The following COBLL1 variants were observed in gnomAD, a reference collection of about 807,000 sequenced individuals.
The protein encoded by COBLL1 is cordon-bleu WH2 repeat protein like 1.
In COBLL1, 50 loss-of-function variants were observed where a neutral mutation model predicts 94.8. That is an observed-to-expected ratio of 0.53 (90% CI 0.42 to 0.67). The LOEUF is 0.67. Ranked by LOEUF, COBLL1 falls within the 30% of genes least tolerant of loss-of-function variation. The pLI is 0.00. For missense variants in COBLL1, 1,362 were observed against 1,348.7 expected (o/e 1.01, Z -0.15); for synonymous variants, 448 against 473.8 (o/e 0.95, Z 0.71).
intron 2 of COBLL1, among the ~76,000 whole-genome samples, chr2:164,827,300 A>C (rs757169643): frequency 1.3e-5 from 2 of 152,164 alleles, no homozygotes; most frequent in Non-Finnish European, 2.9e-5. Context: ...ATTTCATCTT[A>C]TATGGGAATA....
chr2:164,812,841 C>T (rs563098650), intron 2 of COBLL1, among the ~76,000 whole-genome samples: 110 of 152,176 alleles, frequency 7.2e-4, no homozygotes, highest in Middle Eastern at 6.8e-3. Context: ...AAGCATTATG[C>T]AGTTGCACCC....
chr2:164,762,538 C>T (rs1437590171), intron 2 of COBLL1, among the ~76,000 whole-genome samples: 3 of 152,166 alleles, frequency 2.0e-5, no homozygotes, highest in Non-Finnish European at 4.4e-5. Flanking sequence ...TCAGCTGTCT[C>T]GTTTAATCAA....
chr2:164,673,997 T>C (rs1691292584), intron 1 of COBLL1, among the ~76,000 whole-genome samples: 1 of 152,216 alleles, frequency 6.6e-6, no homozygotes, highest in Non-Finnish European at 1.5e-5. Context: ...AGAATTGGTA[T>C]TTCTAATGGT....
At chr2:164,768,265 C>T (rs1688035391) in intron 2 of COBLL1, among the ~76,000 whole-genome samples, 1 of 152,130 alleles carries the variant, frequency 6.6e-6, no homozygotes, top group Non-Finnish European at 1.5e-5. Context: ...GGATAGATCA[C>T]ATGCACCAGA....
intron 7 of COBLL1, among the ~76,000 whole-genome samples, chr2:164,721,046 C>A (rs1382940880): frequency 6.6e-6 from 1 of 152,210 alleles, no homozygotes; most frequent in African/African-American, 2.4e-5. Context: ...AAATTCATTT[C>A]TATCTCTTTG....
chr2:164,821,992 T>G (rs1257511199), intron 2 of COBLL1, among the ~76,000 whole-genome samples: 1 of 152,172 alleles, frequency 6.6e-6, no homozygotes, highest in African/African-American at 2.4e-5. Flanking sequence ...AATCACTAAA[T>G]GAAAATCATG....
At chr2:164,724,878 C>T (rs1377683588) in intron 5 of COBLL1, 1 of 151,810 alleles carries the variant, frequency 6.6e-6, no homozygotes, top group African/African-American at 2.4e-5. Context: ...CAAAGTAAAA[C>T]TTTTAAATCT....
At chr2:164,760,631 C>T (rs1687634883) in intron 2 of COBLL1, among the ~76,000 whole-genome samples, 1 of 152,048 alleles carries the variant, frequency 6.6e-6, no homozygotes, top group African/African-American at 2.4e-5. Context: ...TTGGTTTTGA[C>T]AACATACTAC....
Position 164,800,398 on chromosome 2 carries a change from C to T in COBLL1, c.41+40758G>A. ...TCTCATGACACATGTATTAGAATGGCTAACATAAATACCAACGATACTATG... is the reference window on the plus strand; with the variant it reads ...TCTCATGACACATGTATTAGAATGGTTAACATAAATACCAACGATACTATG... On this transcript the variant is annotated intron_variant, in intron 2 of 13. Coordinates refer to ENST00000652658, the MANE Select transcript of COBLL1 (RefSeq NM_001365672.2). 2 of 537,816 alleles carry T rather than the reference C, an allele frequency of 3.7e-6. 1 individual carries two copies. The allele number at this position is 537,816 out of a possible 1,614,324, so 33.3% of individuals were successfully genotyped here.
At chr2:164,815,921 A>G (rs1684718885) in intron 2 of COBLL1, among the ~76,000 whole-genome samples, 1 of 152,112 alleles carries the variant, frequency 6.6e-6, no homozygotes. Flanking sequence ...TTCTTAGACC[A>G]TCGAAATCCT....
Position 164,695,329 on chromosome 2 carries a change from G to A in COBLL1, c.2063C>T (p.Pro688Leu), listed in dbSNP as rs1293959012. 8 of 1,613,762 alleles carry A rather than the reference G, an allele frequency of 5.0e-6. No individual in the cohort carries two copies. The highest frequency in any genetic ancestry group is 6.8e-6 in the Non-Finnish European group (8 of 1,179,916). Residue 688 changes from proline to leucine, a missense_variant, in exon 12 of 14, where the codon CCT becomes CTT. By Grantham distance (98) the Pro-to-Leu change is moderately conservative. Transcript: ENST00000652658. Reference sequence around the variant, plus strand: ...GGAATTTTTGTCAATCCTATCTACAGGAGGCAAAAGATCATCATTACCATG... The same window carrying A: ...GGAATTTTTGTCAATCCTATCTACAAGAGGCAAAAGATCATCATTACCATG... ...CAHGNDDLLPPVDRIDKNSTA... is the reference protein window; with the variant it reads ...CAHGNDDLLPLVDRIDKNSTA...
intron 2 of COBLL1, among the ~76,000 whole-genome samples, chr2:164,770,241 C>T (rs1049150384): frequency 5.9e-5 from 9 of 151,944 alleles, no homozygotes; most frequent in Admixed American, 2.0e-4. Flanking sequence ...TATCTGTGTG[C>T]CCAGCACCAC....
chr2:164,741,829 T>C (rs1388418921), intron 3 of COBLL1, among the ~76,000 whole-genome samples: 1 of 151,888 alleles, frequency 6.6e-6, no homozygotes, highest in East Asian at 1.9e-4. Flanking sequence ...AAAATACATA[T>C]GAAGAAAATT....
downstream of COBLL1, among the ~76,000 whole-genome samples, chr2:164,676,340 A>G (rs574763608): frequency 3.3e-5 from 5 of 152,280 alleles, no homozygotes; most frequent in Admixed American, 3.3e-4. Context: ...TATAAAAAAT[A>G]TAATTGATCT....
chr2:164,696,338 A>G (rs1683940738), intron 11 of COBLL1: 1 of 152,228 alleles, frequency 6.6e-6, no homozygotes, highest in Non-Finnish European at 1.5e-5. Flanking sequence ...CATACCTAAC[A>G]TTAAAAGGAA....
At chr2:164,727,234 C>A in intron 5 of COBLL1, 1 of 645,222 alleles carries the variant, frequency 1.5e-6, no homozygotes, top group Non-Finnish European at 2.6e-6. Flanking sequence ...AAAAAGTAGT[C>A]TATGGATTAC....
At chr2:164,819,989 CTTTTT>C (rs143956749) in intron 2 of COBLL1, among the ~76,000 whole-genome samples, 2 of 137,884 alleles carry the variant, frequency 1.5e-5, no homozygotes, top group African/African-American at 5.3e-5. Flanking sequence ...CCATACCTGG[CTTTTT>C]TTTTTTTTTT....
intron 2 of COBLL1, among the ~76,000 whole-genome samples, chr2:164,777,490 A>T (rs977590531): frequency 6.6e-6 from 1 of 152,120 alleles, no homozygotes; most frequent in African/African-American, 2.4e-5. Flanking sequence ...ATATGCACCT[A>T]TGCACCTGAG....
At chr2:164,790,387 T>C (rs1211450719) in intron 2 of COBLL1, among the ~76,000 whole-genome samples, 1 of 152,188 alleles carries the variant, frequency 6.6e-6, no homozygotes, top group African/African-American at 2.4e-5. Flanking sequence ...TAAATCATTA[T>C]CCCACATGAT....
Sources: allele counts gnomAD v4.1 joint callset (sites outside exome capture counted in the v4.1 genomes callset), GRCh38; gene constraint gnomAD v4.1.1; transcripts MANE v1.5; gene names NCBI Gene and HGNC (gene_info 2026-07-23, HGNC 2026-07-21).